NLRP9: variants seen among roughly 807,000 people sequenced by gnomAD.
The protein encoded by NLRP9 is NACHT, LRR and PYD domains-containing protein 9.
In NLRP9, 88 loss-of-function variants were observed where a neutral mutation model predicts 83.1. The ratio of observed to expected loss-of-function variants is 1.06; its 90% CI spans 0.89 to 1.26. The LOEUF is 1.26. Among genes scored for constraint, NLRP9 ranks in the 50% most tolerant of loss-of-function variants. NLRP9 has a pLI of 0.00. For missense variants in NLRP9, 1,308 were observed against 1,179.3 expected, an observed-to-expected ratio of 1.11 and a Z score of -1.60; for synonymous variants, 521 against 447.6, an observed-to-expected ratio of 1.16 and a Z score of -2.07.
chr19:55,727,233 CAG>C (rs953256150), intron 3 of NLRP9, among the ~76,000 whole-genome samples: 19 of 152,170 alleles, frequency 1.2e-4, no homozygotes, highest in African/African-American at 4.6e-4. Context: ...GCCTGGGCGG[CAG>C]AGACTCCATC....
intron 3 of NLRP9, 64 bp from the exon 4 acceptor site, chr19:55,724,208 C>A (rs1176959026): frequency 2.6e-6 from 3 of 1,140,444 alleles, no homozygotes; most frequent in African/African-American, 1.6e-5. Flanking sequence ...ACAGACACCT[C>A]TTGTACGATT....
At chr19:55,729,112 C>G (rs1212415620) in intron 3 of NLRP9, among the ~76,000 whole-genome samples, 1 of 120,876 alleles carries the variant, frequency 8.3e-6, no homozygotes, top group East Asian at 2.6e-4. Flanking sequence ...CCTCAGCACT[C>G]TTCCTTTCTC....
At chr19:55,709,159 G>T in intron 8 of NLRP9, 115 bp from the exon 9 acceptor site, 1 of 682,426 alleles carries the variant, frequency 1.5e-6, no homozygotes, top group Non-Finnish European at 2.3e-6. Flanking sequence ...AGAAATCACT[G>T]GGAGAATTGT....
intron 6 of NLRP9, among the ~76,000 whole-genome samples, chr19:55,713,593 T>TCC (rs1555794019): frequency 7.6e-4 from 27 of 35,390 alleles, no homozygotes; most frequent in Admixed American, 1.6e-3. Context: ...CCTCCCCTCC[T>TCC]CCTCCTCTCC....
At chr19:55,715,325 T>C in intron 5 of NLRP9, 100 bp from the exon 6 acceptor site, 3 of 994,744 alleles carry the variant, frequency 3.0e-6, no homozygotes, top group Admixed American at 2.8e-5. Context: ...CCTATGGTAA[T>C]ATTACCATAT....
chr19:55,733,087 C>T lies in NLRP9; in HGVS notation c.744G>A (p.Arg248=), dbSNP rs553033194. ...QLKADLSDDW[R]QRQPMPIILS... Reference sequence around the variant, plus strand: ...GGATAATTGGCATTGGCTGCCGCTGCCTCCAATCATCGCTCAAGTCAGCCT... The same window carrying T: ...GGATAATTGGCATTGGCTGCCGCTGTCTCCAATCATCGCTCAAGTCAGCCT... The change falls in exon 2 of 9, where the codon AGG becomes AGA. Residue 248 remains arginine (R), a synonymous_variant. Coordinates refer to ENST00000332836, the MANE Select transcript of NLRP9 (RefSeq NM_176820.4). The T allele has an allele frequency of 5.6e-6, 9 of 1,613,884 alleles. No individual in the cohort carries two copies. The East Asian group carries it at 2.0e-4, about 36-fold the overall frequency.
chr19:55,714,607 C>T (rs1987935388), intron 6 of NLRP9, among the ~76,000 whole-genome samples: 1 of 151,882 alleles, frequency 6.6e-6, no homozygotes, highest in Non-Finnish European at 1.5e-5. Context: ...TCAGAAGACA[C>T]CATTCTCTTC....
intron 8 of NLRP9, among the ~76,000 whole-genome samples, chr19:55,710,655 C>A (rs181727417): frequency 6.6e-6 from 1 of 152,158 alleles, no homozygotes; most frequent in Non-Finnish European, 1.5e-5. Context: ...CTGCTCCCGC[C>A]ACCAAAGACG....
At chr19:55,728,433 G>A (rs113593366) in intron 3 of NLRP9, among the ~76,000 whole-genome samples, 3,263 of 152,172 alleles carry the variant, frequency 0.021, 47 homozygotes, top group Non-Finnish European at 0.032. Context: ...CTAGCCAGGC[G>A]TCGTGGTGCA....
chr19:55,736,257 G>A (rs1272407789), intron 1 of NLRP9, among the ~76,000 whole-genome samples: 1 of 151,978 alleles, frequency 6.6e-6, no homozygotes, highest in Non-Finnish European at 1.5e-5. Context: ...TGGGCGTGGT[G>A]GCAGGCGCCT....
intron 8 of NLRP9, chr19:55,709,276 T>C (rs1555793440): frequency 3.4e-6 from 1 of 293,186 alleles, no homozygotes; most frequent in Non-Finnish European, 6.2e-6. Context: ...AAGATTTAAT[T>C]CAAAAAAGAT....
chr19:55,731,889 G>A (rs990410075), intron 2 of NLRP9, 110 bp downstream of exon 2: 30 of 665,260 alleles, frequency 4.5e-5, no homozygotes, highest in Middle Eastern at 2.7e-4. Context: ...TTCTGACTCC[G>A]ACCTCCATGC....
intron 6 of NLRP9, among the ~76,000 whole-genome samples, chr19:55,714,165 G>T (rs561159144): frequency 1.3e-5 from 2 of 151,996 alleles, no homozygotes; most frequent in Admixed American, 1.3e-4. Flanking sequence ...CTAGCAGAGG[G>T]AATGAATGAG....
At chr19:55,727,992 C>T (rs369135800) in intron 3 of NLRP9, among the ~76,000 whole-genome samples, 2 of 152,142 alleles carry the variant, frequency 1.3e-5, no homozygotes, top group East Asian at 1.9e-4. Flanking sequence ...CAGAAGCTTC[C>T]AAGAGTCCTC....
chr19:55,732,506 G>C lies in NLRP9; in HGVS notation c.1325C>G (p.Ala442Gly), dbSNP rs1988608488. The change falls in exon 2 of 9, where the codon GCC (alanine) becomes GGC (glycine). Residue 442 changes from alanine (A) to glycine (G), a missense_variant. Physicochemically the swap from Ala to Gly is moderately conservative, Grantham distance 60 (BLOSUM62 0). Transcript: ENST00000332836. Reference protein sequence around the residue: ...RLLQRRGDCFAFMHLCIQEFC... With the variant: ...RLLQRRGDCFGFMHLCIQEFC... ...CTCTTGGATACACAGATGCATGAAGGCAAAACAGTCCCCTCTCCTTTGGAG... is the reference window on the plus strand; with the variant it reads ...CTCTTGGATACACAGATGCATGAAGCCAAAACAGTCCCCTCTCCTTTGGAG... 1 of 1,614,170 alleles carries C rather than the reference G, an allele frequency of 6.2e-7. No individual in the cohort carries two copies. The highest frequency in any genetic ancestry group is 8.5e-7 in the Non-Finnish European group (1 of 1,180,030).
At chr19:55,717,072 T>G (rs112445243) in intron 4 of NLRP9, among the ~76,000 whole-genome samples, 174 bp from the exon 5 acceptor site, 1 of 150,630 alleles carries the variant, frequency 6.6e-6, no homozygotes, top group Non-Finnish European at 1.5e-5. Flanking sequence ...CTCACTCTGT[T>G]GCCCAGGCAG....
chr19:55,709,999 T>G (rs1481938405), intron 8 of NLRP9: 1 of 152,132 alleles, frequency 6.6e-6, no homozygotes, highest in Non-Finnish European at 1.5e-5. Flanking sequence ...AAAAAGAAGT[T>G]GAGGAGGATT....
intron 1 of NLRP9, among the ~76,000 whole-genome samples, chr19:55,735,535 C>T (rs1988762360): frequency 6.6e-6 from 1 of 152,174 alleles, no homozygotes; most frequent in Non-Finnish European, 1.5e-5. Context: ...GTCTGTATTA[C>T]TCTACATTTT....
intron 2 of NLRP9, among the ~76,000 whole-genome samples, chr19:55,730,846 G>A (rs1265487351): frequency 6.6e-6 from 1 of 152,012 alleles, no homozygotes; most frequent in African/African-American, 2.4e-5. Context: ...GCTCTGCCCA[G>A]CAAATCACCA....
Sources: allele counts gnomAD v4.1 joint callset (sites outside exome capture counted in the v4.1 genomes callset), GRCh38; gene constraint gnomAD v4.1.1; transcripts MANE v1.5; gene names NCBI Gene and HGNC (gene_info 2026-07-23, HGNC 2026-07-21).